The following IQGAP1 variants were observed in gnomAD, a reference collection of about 807,000 sequenced individuals.
IQGAP1 encodes the protein ras GTPase-activating-like protein IQGAP1.
A neutral mutation model predicts 215.6 loss-of-function variants in IQGAP1; 66 were observed. The ratio of observed to expected loss-of-function variants is 0.31; its 90% confidence interval spans 0.25 to 0.38. The LOEUF (loss-of-function observed/expected upper bound fraction) is 0.38. IQGAP1 is among the 10% of genes least tolerant of loss of function. The pLI is 1.00. For synonymous variants in IQGAP1, 772 were observed against 728.7 expected (o/e 1.06, Z -0.96); for missense variants, 1,712 against 1,997.1 (o/e 0.86, Z 2.72).
chr15:90,447,042 T>TAC (rs913373557), intron 9 of IQGAP1, among the ~76,000 whole-genome samples: 4 of 152,228 alleles, frequency 2.6e-5, no homozygotes, highest in African/African-American at 9.6e-5. Context: ...GTTTGTTATC[T>TAC]ACATTGATTT....
chr15:90,487,638 G>A, intron 33 of IQGAP1, 56 bp downstream of exon 33: 1 of 1,188,302 alleles, frequency 8.4e-7, no homozygotes, highest in South Asian at 1.3e-5. Flanking sequence ...CTCCCGATAG[G>A]CGCATGTCAG....
chr15:90,490,497 A>T (rs1966188422), intron 33 of IQGAP1, among the ~76,000 whole-genome samples: 1 of 152,156 alleles, frequency 6.6e-6, no homozygotes. Flanking sequence ...GTATCAAGGG[A>T]AGGTGTTTCC....
chr15:90,471,889 G>GT (rs11434248), intron 18 of IQGAP1, among the ~76,000 whole-genome samples: 63,826 of 151,326 alleles, frequency 0.42, 15,487 homozygotes, highest in African/African-American at 0.69. Flanking sequence ...GAAGGTAGAT[G>GT]TGGATAAGTA....
intron 19 of IQGAP1, 51 bp from the exon 20 acceptor site, chr15:90,473,663 TC>T: frequency 7.5e-7 from 1 of 1,331,748 alleles, no homozygotes; most frequent in Non-Finnish European, 1.1e-6. Context: ...TTTTTTAACT[TC>T]CATTGATGCT....
chr15:90,411,377 T>C (rs1964963594), intron 2 of IQGAP1, among the ~76,000 whole-genome samples: 1 of 151,978 alleles, frequency 6.6e-6, no homozygotes, highest in African/African-American at 2.4e-5. Context: ...ACCCCCAGGC[T>C]CAGATGATCC....
At position 90,390,839 on chromosome 15, in the gene IQGAP1, T is replaced by C. The variant is rs1301946755; in HGVS notation, c.121T>C (p.Tyr41His). 1 of 1,612,632 alleles carries C rather than the reference T, an allele frequency of 6.2e-7. No homozygotes were observed. The highest frequency in any genetic ancestry group is 8.5e-7 in the Non-Finnish European group (1 of 1,178,618). Residue 41 changes from tyrosine to histidine, a missense_variant, in exon 2 of 38, where the codon TAT (tyrosine) becomes CAT (histidine). By Grantham distance (83) the Tyr-to-His change is moderately conservative. This residue lies in a region of IQGAP1 where 1,021 missense variants were observed against 1,074.2 expected (regional missense o/e 0.95). Coordinates refer to ENST00000268182, the MANE Select transcript of IQGAP1 (RefSeq NM_003870.4). Reference protein sequence around the residue: ...MDERRRQNVAYEYLCHLEEAK... With the variant: ...MDERRRQNVAHEYLCHLEEAK... Reference sequence around the variant, plus strand: ...TGAAAGGAGACGTCAGAACGTGGCTTATGAGTACCTTTGTCATTTGGAAGA... The same window carrying C: ...TGAAAGGAGACGTCAGAACGTGGCTCATGAGTACCTTTGTCATTTGGAAGA...
At chr15:90,396,855 ATTT>A (rs58594310) in intron 2 of IQGAP1, among the ~76,000 whole-genome samples, 1 of 146,784 alleles carries the variant, frequency 6.8e-6, no homozygotes, top group South Asian at 2.2e-4. Context: ...AGCAAAAAAA[ATTT>A]TTTTTTTTTT....
chr15:90,454,508 C>T lies in IQGAP1; in HGVS notation c.1568C>T (p.Ala523Val). 6.2e-7 allele frequency: 1 copy of T among 1,607,014 alleles called. No homozygotes were observed. Among genetic ancestry groups the T allele is most frequent in the Non-Finnish European group, 8.5e-7 (1 of 1,177,110 alleles). ...TTCATTACATGGAATGATATCCAAG[C>T]TTGCGTGGACCATGTGAACCTGGTG... is the stretch of plus-strand genomic sequence containing the variant. ...NEFITWNDIQ[A>V]CVDHVNLVVQ... Residue 523 changes from alanine to valine, a missense_variant, in exon 14 of 38, where the codon GCT becomes GTT. Around this residue, in one of 2 missense-constraint regions of IQGAP1, gnomAD observed 1,021 missense variants for 1,074.2 expected, o/e 0.95. Transcript: ENST00000268182.
Position 90,449,621 on chromosome 15 carries a change from T to A in IQGAP1, c.1140T>A (p.Ser380Arg), listed in dbSNP as rs1406877589. Residue 380 changes from serine (S) to arginine (R), a missense_variant, in exon 11 of 38, where the codon AGT (serine) becomes AGA (arginine). Ser to Arg is a moderately radical substitution (Grantham distance 110). Around this residue, in one of 2 missense-constraint regions of IQGAP1, gnomAD observed 1,021 missense variants for 1,074.2 expected, o/e 0.95. Transcript: ENST00000268182. ...ELQSGVDAAN[S>R]AAQQYQRRLA... ...AGTCTGGAGTGGATGCTGCAAACAG[T>A]GCTGCCCAGCAATATCAGAGAAGTA... is the stretch of plus-strand genomic sequence containing the variant. The A allele has an allele frequency of 6.2e-7, 1 of 1,612,500 alleles. No individual in the cohort carries two copies. The highest frequency in any genetic ancestry group is 2.2e-5 in the East Asian group (1 of 44,814).
At position 90,443,401 on chromosome 15, in the gene IQGAP1, A is replaced by T. The variant is rs1440500471; in HGVS notation, c.836A>T (p.Asn279Ile). Residue 279 changes from asparagine to isoleucine, a missense_variant, in exon 9 of 38, where the codon AAC (asparagine) becomes ATC (isoleucine). Around this residue, in one of 2 missense-constraint regions of IQGAP1, gnomAD observed 1,021 missense variants for 1,074.2 expected, o/e 0.95. Coordinates refer to ENST00000268182, the MANE Select transcript of IQGAP1 (RefSeq NM_003870.4). ...CTTTTTACTCATCCTCAGACAGAAA[A>T]CTCAGAGAGAGAAAGAGATGTTTAT... ...KMTNAKNRTENSERERDVYEE... is the reference protein window; with the variant it reads ...KMTNAKNRTEISERERDVYEE... 2 of 1,611,366 alleles carry T rather than the reference A, an allele frequency of 1.2e-6. No homozygotes were observed. The highest frequency in any genetic ancestry group is 1.7e-5 in the Admixed American group (1 of 59,912).
At chr15:90,456,883 G>A (rs1267727148) in intron 15 of IQGAP1, among the ~76,000 whole-genome samples, 6 of 143,424 alleles carry the variant, frequency 4.2e-5, no homozygotes, top group Admixed American at 2.1e-4. Context: ...GTAAGACTCC[G>A]TCTCAAAAAA....
At chr15:90,447,347 T>A (rs976838813) in intron 9 of IQGAP1, among the ~76,000 whole-genome samples, 5 of 152,218 alleles carry the variant, frequency 3.3e-5, no homozygotes, top group African/African-American at 9.6e-5. Context: ...GCCCTTTTTT[T>A]AAATAGTTCT....
chr15:90,489,484 A>C (rs566304909), intron 33 of IQGAP1, among the ~76,000 whole-genome samples: 1 of 152,270 alleles, frequency 6.6e-6, no homozygotes, highest in South Asian at 2.1e-4. Flanking sequence ...ATTCATTCTC[A>C]AATTTTAAGC....
In IQGAP1 at chr15:90,499,161, A is replaced by T. The variant is rs572522539; in HGVS notation, c.4861-834A>T. On this transcript the variant is annotated intron_variant, in intron 37 of 37. Coordinates refer to ENST00000268182, the MANE Select transcript of IQGAP1 (RefSeq NM_003870.4). The stretch of plus-strand genomic sequence containing the variant: ...TTTTGACCCTTGCTTTCTCATCACC[A>T]CTCTTATAAAGTTCAGAAGTGAGAC... Among the ~76,000 whole-genome samples the T allele has an allele frequency of 8.0e-4, 121 of 152,058 alleles. 1 individual carries two copies. Among genetic ancestry groups the T allele is most frequent in the African/African-American group, 2.9e-3 (120 of 41,460 alleles).
chr15:90,429,789 A>G (rs926702824), intron 4 of IQGAP1, 123 bp downstream of exon 4: 1 of 560,628 alleles, frequency 1.8e-6, no homozygotes. Flanking sequence ...TTTAAATACT[A>G]AAAGATGTCT....
At chr15:90,425,720 A>T (rs796221779) in intron 2 of IQGAP1, among the ~76,000 whole-genome samples, 1 of 152,218 alleles carries the variant, frequency 6.6e-6, no homozygotes, top group South Asian at 2.1e-4. Flanking sequence ...GTCAGCAACA[A>T]ATTAAAGCTT....
At chr15:90,499,546 C>T (rs931496305) in intron 37 of IQGAP1, among the ~76,000 whole-genome samples, 7 of 152,188 alleles carry the variant, frequency 4.6e-5, no homozygotes, top group Non-Finnish European at 1.0e-4. Context: ...AGCCTTATCT[C>T]ATTTCCCCGT....
Position 90,493,501 on chromosome 15 carries a change from A to G in IQGAP1, c.4628+790A>G, listed in dbSNP as rs142127458. 3.3e-5 allele frequency among the ~76,000 whole-genome samples: 5 copies of G among 152,350 alleles called. No individual in the cohort carries two copies. In the South Asian group the frequency reaches 6.2e-4, roughly 19 times the overall value. ...TTGAAAACCCAGAGAGGTGGGTGAT[A>G]AGAGCAGGTTTTACTTGCAGGGTAG... On this transcript the variant is annotated intron_variant, in intron 35 of 37. Coordinates refer to ENST00000268182, the MANE Select transcript of IQGAP1 (RefSeq NM_003870.4).
At chr15:90,496,305 C>CTTT (rs1966272249) in intron 36 of IQGAP1, among the ~76,000 whole-genome samples, 3 of 118,204 alleles carry the variant, frequency 2.5e-5, no homozygotes, top group Admixed American at 9.4e-5. Flanking sequence ...CAGCATAATC[C>CTTT]CTTTTTTTTT....
Sources: gnomAD v4.1 joint callset for allele counts (sites outside exome capture counted in the v4.1 genomes callset) on GRCh38, gnomAD v4.1.1 for gene constraint, gnomAD v4.1.1 regional missense constraint, MANE v1.5 for transcripts, NCBI Gene and HGNC (gene_info 2026-07-23, HGNC 2026-07-21) for gene names.